The following TBX1 variants were observed in gnomAD, a reference collection of about 807,000 sequenced individuals.
The protein encoded by TBX1 is T-box transcription factor 1.
Under a neutral mutation model 40.8 loss-of-function variants are expected in TBX1, and 16 were observed. The ratio of observed to expected loss-of-function variants is 0.39; its 90% CI spans 0.27 to 0.60. The LOEUF (loss-of-function observed/expected upper bound fraction) is 0.60. Ranked by LOEUF, TBX1 falls within the 20% of genes least tolerant of loss-of-function variation. The pLI is 0.51. For synonymous variants in TBX1, 403 were observed against 336.8 expected (o/e 1.20, Z -2.15); for missense variants, 755 against 728.5 (o/e 1.04, Z -0.42).
chr22:19,766,804 C>G lies in TBX1; in HGVS notation c.1452C>G (p.Ala484=). 2 of 1,529,920 alleles carry G rather than the reference C, an allele frequency of 1.3e-6. No homozygotes were observed. Among genetic ancestry groups the G allele is most frequent in the Non-Finnish European group, 1.7e-6 (2 of 1,153,264 alleles). 94.8% of individuals were successfully genotyped at this position (1,529,920 alleles called of 1,614,324 possible). Residue 484 remains alanine (A), a synonymous_variant, in exon 7 of 7, where the codon GCC becomes GCG. Coordinates refer to ENST00000649276, the MANE Select transcript of TBX1 (RefSeq NM_001379200.1). ...CCGCCGCTGCCGCAGCTGCCGCGGC[C>G]GCCAACATGTACTCGTCGGCCGGAG... ...AAAAAAAAAA[A]ANMYSSAGAA...
intron 1 of TBX1, among the ~76,000 whole-genome samples, chr22:19,762,435 C>T (rs747779517): frequency 6.6e-6 from 1 of 152,194 alleles, no homozygotes; most frequent in Non-Finnish European, 1.5e-5. Context: ...CTGAAGGGCC[C>T]CACGGCCACT....
chr22:19,762,583 CTG>C (rs1025443380), intron 1 of TBX1, among the ~76,000 whole-genome samples: 10 of 152,214 alleles, frequency 6.6e-5, no homozygotes, highest in Non-Finnish European at 1.5e-4. Context: ...AAGACACAAA[CTG>C]AGTACACTCT....
Position 19,764,261 on chromosome 22 carries a change from A to G in TBX1, c.646A>G (p.Met216Val), listed in dbSNP as rs1224140312. The G allele has an allele frequency of 6.2e-7, 1 of 1,613,460 alleles. No homozygotes were observed. Among genetic ancestry groups the G allele is most frequent in the South Asian group, 1.1e-5 (1 of 91,088 alleles). ...CTCGCCTGCCAAGGGCGCGCAGTGGATGAAGCAAATCGTGTCCTTCGACAA... is the reference window on the plus strand; with the variant it reads ...CTCGCCTGCCAAGGGCGCGCAGTGGGTGAAGCAAATCGTGTCCTTCGACAA... ...PDSPAKGAQW[M>V]KQIVSFDKLK... The change falls in exon 3 of 7, where the codon ATG (methionine) becomes GTG (valine). Residue 216 changes from methionine (M) to valine (V), a missense_variant. This residue lies in a region of TBX1 where 144 missense variants were observed against 238.0 expected (regional missense o/e 0.61). Coordinates refer to ENST00000649276, the MANE Select transcript of TBX1 (RefSeq NM_001379200.1).
upstream of TBX1, chr22:19,759,824 A>G (rs1936583426): frequency 9.8e-7 from 1 of 1,023,496 alleles, no homozygotes; most frequent in Admixed American, 2.0e-5. Context: ...AGAGAGGAAG[A>G]GCCGGCATCC....
chr22:19,758,530 C>T (rs1478063749), upstream of TBX1, among the ~76,000 whole-genome samples: 1 of 152,194 alleles, frequency 6.6e-6, no homozygotes, highest in Non-Finnish European at 1.5e-5. Context: ...CTCACTCTGC[C>T]CAGCCTGGTC....
intron 1 of TBX1, among the ~76,000 whole-genome samples, chr22:19,761,727 G>A (rs1001745849): frequency 2.0e-5 from 3 of 152,246 alleles, no homozygotes; most frequent in African/African-American, 7.2e-5. Context: ...AGTCTATGCG[G>A]GCAAGATAAA....
In TBX1 at chr22:19,760,908, T is replaced by C; in HGVS notation, c.65T>C (p.Phe22Ser). Residue 22 changes from phenylalanine (F) to serine (S), a missense_variant, in exon 1 of 7, where the codon TTC (phenylalanine) becomes TCC (serine). Coordinates refer to ENST00000649276, the MANE Select transcript of TBX1 (RefSeq NM_001379200.1). ...TCGCATTTCTGCGACGTTGCAGCCT[T>C]CACGGCCAGCAGCCTGAGCAGCCTG... is the stretch of plus-strand genomic sequence containing the variant. ...QLSHFCDVAA[F>S]TASSLSSLGA... 1 of 1,058,492 alleles carries C rather than the reference T, an allele frequency of 9.4e-7. No homozygotes were observed. 65.6% of individuals were successfully genotyped at this position (1,058,492 alleles called of 1,614,324 possible).
chr22:19,766,712 G>A lies in TBX1; in HGVS notation c.1360G>A (p.Gly454Ser), dbSNP rs1936865691. 1.3e-6 allele frequency: 2 copies of A among 1,540,462 alleles called. No individual in the cohort carries two copies. The highest frequency in any genetic ancestry group is 8.7e-7 in the Non-Finnish European group (1 of 1,152,500). The change falls in exon 7 of 7, where the codon GGC (glycine) becomes AGC (serine). Residue 454 changes from glycine to serine, a missense_variant. Transcript: ENST00000649276. ...PYPLPGLRGH[G>S]YHPHAHPHHH... ...CCCGCTGCCCGGCCTGCGTGGCCACGGCTACCACCCGCACGCGCATCCGCA... is the reference window on the plus strand; with the variant it reads ...CCCGCTGCCCGGCCTGCGTGGCCACAGCTACCACCCGCACGCGCATCCGCA...
chr22:19,764,830 T>C, intron 3 of TBX1, 128 bp from the exon 4 acceptor site: 1 of 1,159,560 alleles, frequency 8.6e-7, no homozygotes, highest in Admixed American at 1.7e-5. Flanking sequence ...CATCTTGGAA[T>C]TAAGGGTTTT....
chr22:19,770,122 C>T (rs570501311), downstream of TBX1, among the ~76,000 whole-genome samples: 127 of 152,276 alleles, frequency 8.3e-4, no homozygotes, highest in Non-Finnish European at 1.4e-3. Flanking sequence ...CCTAGCTGGT[C>T]CAGAGGCCCC....
chr22:19,767,439 A>T, downstream of TBX1: 1 of 966,120 alleles, frequency 1.0e-6, no homozygotes, highest in Non-Finnish European at 1.2e-6. Flanking sequence ...CCCAGCCCCA[A>T]TCCCTGCCGA....
chr22:19,758,851 T>C (rs1936547771), upstream of TBX1, among the ~76,000 whole-genome samples: 1 of 152,186 alleles, frequency 6.6e-6, no homozygotes, highest in Non-Finnish European at 1.5e-5. Context: ...GCGACGATAG[T>C]GAGCCAACTT....
At chr22:19,767,350 A>G (rs1936900427), downstream of TBX1, 44 of 987,678 alleles carry the variant, frequency 4.5e-5, no homozygotes, top group Non-Finnish European at 5.2e-5. Context: ...CTGCGTGTCC[A>G]TTTATTTGTG....
In TBX1 at chr22:19,767,191, G is replaced by A. The variant is rs888746998; in HGVS notation, c.*324G>A. ...GATATTTATTGTTCTCCCCGAGACC[G>A]CGTCGCCCGCGGCCCGGCCGGCAGT... On this transcript the variant is annotated 3_prime_UTR_variant, in exon 7 of 7. Transcript: ENST00000649276. The A allele has an allele frequency of 1.8e-6, 2 of 1,116,536 alleles. No individual in the cohort carries two copies. The highest frequency in any genetic ancestry group is 1.2e-4 in the East Asian group (2 of 16,746). 69.2% of individuals were successfully genotyped at this position (1,116,536 alleles called of 1,614,324 possible).
chr22:19,766,142 A>G, intron 6 of TBX1, 140 bp downstream of exon 6: 1 of 802,652 alleles, frequency 1.2e-6, no homozygotes, highest in Non-Finnish European at 1.6e-6. Context: ...GCGGCGGGCA[A>G]GCGCGCACTC....
In TBX1 at chr22:19,765,752, C is replaced by T. The variant is rs773338175; in HGVS notation, c.868-6C>T. On this transcript the variant is annotated splice_polypyrimidine_tract_variant and splice_region_variant and intron_variant, in intron 4 of 6. Transcript: ENST00000649276. ...CAGCGGCTTGCTCACACCCACCTCC[C>T]TGCAGATCACGCAGCTCAAGATTGC... 2 of 1,611,458 alleles carry T rather than the reference C, an allele frequency of 1.2e-6. No individual in the cohort carries two copies. Among genetic ancestry groups the T allele is most frequent in the African/African-American group, 1.3e-5 (1 of 74,902 alleles).
chr22:19,778,881 T>G (rs746834261), intron 8 of TBX1, among the ~76,000 whole-genome samples: 5 of 152,130 alleles, frequency 3.3e-5, no homozygotes, highest in African/African-American at 1.2e-4. Context: ...ATTGCACCAC[T>G]GCACTCCAGC....
At chr22:19,758,009 A>G (rs1936525359), upstream of TBX1, among the ~76,000 whole-genome samples, 3 of 152,126 alleles carry the variant, frequency 2.0e-5, no homozygotes, top group Admixed American at 2.0e-4. Context: ...CATCCCAGAC[A>G]GGCAGCACTA....
Position 19,763,322 on chromosome 22 carries a change from G to A in TBX1, c.519G>A (p.Pro173=), listed in dbSNP as rs111754814. Residue 173 remains proline (P), a synonymous_variant, in exon 2 of 7, where the codon CCG becomes CCA. Transcript: ENST00000649276. ...ATATGCTGCTCATGGACTTCGTGCC[G>A]GTGGACGATAAGCGCTACCGGTGAG... ...ADYMLLMDFV[P]VDDKRYRYAF... The A allele has an allele frequency of 8.6e-4, 1,393 of 1,614,192 alleles. 3 individuals carry two copies. Among genetic ancestry groups the A allele is most frequent in the African/African-American group, 6.6e-3 (496 of 75,064 alleles).
Sources: allele counts gnomAD v4.1 joint callset (sites outside exome capture counted in the v4.1 genomes callset), GRCh38; gene constraint gnomAD v4.1.1; regional missense constraint gnomAD v4.1.1; transcripts MANE v1.5; gene names NCBI Gene and HGNC (gene_info 2026-07-23, HGNC 2026-07-21).